NETO1: variants seen among roughly 807,000 people sequenced by gnomAD.
NETO1 encodes neuropilin and tolloid-like protein 1.
In NETO1, 26 loss-of-function variants were observed where a neutral mutation model predicts 61.3. That is an observed-to-expected ratio of 0.42 (90% CI 0.31 to 0.59). NETO1 has a LOEUF of 0.59. NETO1 is among the 20% of genes least tolerant of loss of function. The pLI is 0.12. For synonymous variants in NETO1, 225 were observed against 225.8 expected (o/e 1.00, Z 0.03); for missense variants, 531 against 662.8 (o/e 0.80, Z 2.18).
At chr18:72,754,868 C>T (rs1264150494) in intron 8 of NETO1, among the ~76,000 whole-genome samples, 1 of 152,164 alleles carries the variant, frequency 6.6e-6, no homozygotes, top group Non-Finnish European at 1.5e-5. Flanking sequence ...CTATACAACA[C>T]TCCACTCAAC....
intron 4 of NETO1, among the ~76,000 whole-genome samples, chr18:72,858,513 G>A (rs888424198): frequency 3.9e-5 from 6 of 152,106 alleles, no homozygotes; most frequent in Non-Finnish European, 8.8e-5. Flanking sequence ...CAGCTCCTAT[G>A]TATAGTTTCC....
intron 4 of NETO1, among the ~76,000 whole-genome samples, chr18:72,800,916 T>C (rs1180572118): frequency 6.6e-6 from 1 of 152,212 alleles, no homozygotes; most frequent in Non-Finnish European, 1.5e-5. Context: ...GTTCTCACAG[T>C]AAATGTATCA....
At chr18:72,835,982 G>A (rs2073735042) in intron 4 of NETO1, among the ~76,000 whole-genome samples, 2 of 152,148 alleles carry the variant, frequency 1.3e-5, no homozygotes, top group Admixed American at 6.5e-5. Flanking sequence ...CTGAGACGGG[G>A]CAGCTTCTTG....
intron 4 of NETO1, among the ~76,000 whole-genome samples, chr18:72,844,758 G>A (rs1328229395): frequency 6.6e-6 from 1 of 152,280 alleles, no homozygotes; most frequent in Non-Finnish European, 1.5e-5. Flanking sequence ...GATGTAAACC[G>A]AGGTTGTTGG....
chr18:72,768,100 TC>T (rs1487321842), intron 7 of NETO1, among the ~76,000 whole-genome samples: 7 of 152,118 alleles, frequency 4.6e-5, no homozygotes, highest in Admixed American at 3.9e-4. Flanking sequence ...CCATTTCAGA[TC>T]TTTTTCAAAA....
chr18:72,790,244 G>A (rs2072068391), intron 6 of NETO1, among the ~76,000 whole-genome samples: 1 of 152,058 alleles, frequency 6.6e-6, no homozygotes, highest in Admixed American at 6.6e-5. Context: ...TGAAGTGATA[G>A]ATTTGTTAAT....
intron 7 of NETO1, among the ~76,000 whole-genome samples, chr18:72,762,790 ATGAAAGCATGTGCAGTAACTCC>A (rs2071022122): frequency 6.6e-6 from 1 of 152,238 alleles, no homozygotes; most frequent in South Asian, 2.1e-4. Context: ...AAAATAAACC[ATGAAAGCATGTGCAGTAACTCC>A]TAAACCTATA....
At chr18:72,842,202 A>AC (rs2073955779) in intron 4 of NETO1, among the ~76,000 whole-genome samples, 1 of 152,170 alleles carries the variant, frequency 6.6e-6, no homozygotes, top group African/African-American at 2.4e-5. Flanking sequence ...GTCAATTATT[A>AC]CCTCAGTATT....
At chr18:72,793,651 C>G (rs1229954675) in intron 6 of NETO1, among the ~76,000 whole-genome samples, 2 of 152,144 alleles carry the variant, frequency 1.3e-5, no homozygotes, top group Non-Finnish European at 2.9e-5. Context: ...CACAGGATCT[C>G]CCAGGCCCTG....
At chr18:72,853,683 G>C (rs373295041) in intron 4 of NETO1, among the ~76,000 whole-genome samples, 3 of 151,574 alleles carry the variant, frequency 2.0e-5, no homozygotes, top group Admixed American at 2.0e-4. Context: ...ACTGAAACCC[G>C]GAGGCAGAGG....
chr18:72,781,949 T>C (rs1335823695), intron 7 of NETO1, among the ~76,000 whole-genome samples: 8 of 152,074 alleles, frequency 5.3e-5, no homozygotes, highest in Admixed American at 5.2e-4. Context: ...TCATCACCCA[T>C]ATAATAAGCA....
intron 4 of NETO1, among the ~76,000 whole-genome samples, chr18:72,838,098 G>A (rs1237356638): frequency 2.0e-5 from 3 of 151,972 alleles, no homozygotes; most frequent in Admixed American, 2.0e-4. Flanking sequence ...ATCTCTATGA[G>A]AGACCTACAG....
rs1282155275 is a variant in NETO1, at chr18:72,744,791, C to T, written c.*3388G>A. The T allele has an allele frequency of 4.6e-5, 7 of 152,096 alleles. No homozygotes were observed. The highest frequency in any genetic ancestry group is 4.6e-4 in the Admixed American group (7 of 15,254). 9.4% of individuals were successfully genotyped at this position (152,096 alleles called of 1,614,324 possible). ...TGACAAAACATCAGTAAATTAATTG[C>T]CGCCACTTTAATCAAGGTAATAGGA... On this transcript the variant is annotated 3_prime_UTR_variant, in exon 11 of 11. Coordinates refer to ENST00000327305, the MANE Select transcript of NETO1 (RefSeq NM_138966.5).
Position 72,802,937 on chromosome 18 carries a change from G to C in NETO1, c.470-8533C>G, listed in dbSNP as rs192496654. ...GTACAGATAAGGCACTTTTGCTGCA[G>C]ACTGAATTGTTTCCTGTTTTTCTTA... On this transcript the variant is annotated intron_variant, in intron 4 of 10. Transcript: ENST00000327305. Among the ~76,000 whole-genome samples the C allele has an allele frequency of 4.1e-4, 63 of 152,312 alleles. No individual in the cohort carries two copies. In the East Asian group the frequency reaches 0.011, roughly 26 times the overall value.
chr18:72,843,923 C>T (rs916728750), intron 4 of NETO1, among the ~76,000 whole-genome samples: 1 of 152,170 alleles, frequency 6.6e-6, no homozygotes, highest in African/African-American at 2.4e-5. Context: ...AGCTCAAACT[C>T]ATATAATGTT....
intron 4 of NETO1, among the ~76,000 whole-genome samples, chr18:72,843,780 C>A (rs887764662): frequency 2.0e-4 from 31 of 152,194 alleles, no homozygotes; most frequent in Non-Finnish European, 1.5e-5. Flanking sequence ...GTCAGTCTAC[C>A]TATCCCGCCA....
At chr18:72,764,233 T>C (rs2071077478) in intron 7 of NETO1, among the ~76,000 whole-genome samples, 1 of 152,138 alleles carries the variant, frequency 6.6e-6, no homozygotes, top group African/African-American at 2.4e-5. Context: ...TACTAAAGCT[T>C]ACTTTTTTAA....
At chr18:72,808,971 C>G (rs1484845330) in intron 4 of NETO1, among the ~76,000 whole-genome samples, 1 of 152,204 alleles carries the variant, frequency 6.6e-6, no homozygotes, top group Non-Finnish European at 1.5e-5. Flanking sequence ...TTGGTCAATC[C>G]TGGAGAAGCT....
rs2145062985 is a variant in NETO1, at chr18:72,747,785, T to C, written c.*394A>G. On this transcript the variant is annotated 3_prime_UTR_variant, in exon 11 of 11. Transcript: ENST00000327305. ...CAATGTACATGTAACACAAGGTTCA[T>C]CCAAATTCGTGTTTTTTTTTCACAT... 6.6e-6 allele frequency: 1 copy of C among 152,168 alleles called. No homozygotes were observed. Among genetic ancestry groups the C allele is most frequent in the South Asian group, 2.1e-4 (1 of 4,828 alleles). 9.4% of individuals were successfully genotyped at this position (152,168 alleles called of 1,614,324 possible).
Sources: gnomAD v4.1 joint callset for allele counts (sites outside exome capture counted in the v4.1 genomes callset) on GRCh38, gnomAD v4.1.1 for gene constraint, MANE v1.5 for transcripts, NCBI Gene and HGNC (gene_info 2026-07-23, HGNC 2026-07-21) for gene names.